Variants in ABI2 observed in about 807,000 individuals in gnomAD.
ABI2 encodes the protein abl interactor 2, also known as abelson interactor 2.
Under a neutral mutation model 59.2 loss-of-function variants are expected in ABI2, and 25 were observed. That is an observed-to-expected ratio of 0.42 (90% CI 0.31 to 0.59). ABI2 has a LOEUF of 0.59. ABI2 is among the 20% of genes least tolerant of loss of function. ABI2 has a pLI of 0.14. For missense variants in ABI2, 545 were observed against 681.8 expected (o/e 0.80, Z 2.23); for synonymous variants, 213 against 235.5 (o/e 0.90, Z 0.87).
intron 1 of ABI2, among the ~76,000 whole-genome samples, chr2:203,335,658 T>C (rs748456382): frequency 3.3e-5 from 5 of 152,228 alleles, no homozygotes; most frequent in Non-Finnish European, 7.3e-5. Context: ...TTCTGTAAAG[T>C]TTTGCAGTAC....
intron 2 of ABI2, among the ~76,000 whole-genome samples, chr2:203,372,753 C>T (rs1374806752): frequency 4.7e-5 from 7 of 149,784 alleles, no homozygotes; most frequent in Admixed American, 1.3e-4. Flanking sequence ...ACTTCTCAGA[C>T]GGGGCGGTTG....
At position 203,417,051 on chromosome 2, in the gene ABI2, C is replaced by A; in HGVS notation, c.1423C>A (p.Pro475Thr). Residue 475 changes from proline to threonine, a missense_variant, in exon 11 of 12, where the codon CCG (proline) becomes ACG (threonine). Physicochemically the swap from Pro to Thr is conservative, Grantham distance 38 (BLOSUM62 -1). Transcript: ENST00000261018. ...YSDPYAEEDP[P>T]WAPRSYLEKV... is the part of the protein sequence containing the mutation. ...TGATCCTTATGCTGAAGAGGACCCA[C>A]CGTGGGCTCCACGTTCTTACTTGGA... is the stretch of plus-strand genomic sequence containing the variant. 6.2e-7 allele frequency: 1 copy of A among 1,612,142 alleles called. No individual in the cohort carries two copies. The highest frequency in any genetic ancestry group is 8.5e-7 in the Non-Finnish European group (1 of 1,179,210).
chr2:203,387,757 A>G (rs992080161), intron 4 of ABI2, among the ~76,000 whole-genome samples: 4 of 152,212 alleles, frequency 2.6e-5, no homozygotes, highest in Non-Finnish European at 5.9e-5. Context: ...TGTAACTTTA[A>G]AAAGTATTTC....
chr2:203,375,852 T>C (rs1377759911), intron 2 of ABI2: 2 of 384,732 alleles, frequency 5.2e-6, no homozygotes, highest in Non-Finnish European at 9.3e-6. Context: ...TGAAATAGAT[T>C]TAGTGCTCTC....
chr2:203,366,851 G>T lies in ABI2; in HGVS notation c.118-26G>T. On this transcript the variant is annotated intron_variant, in intron 1 of 11. Coordinates refer to ENST00000261018, the MANE Select transcript of ABI2 (RefSeq NM_001375670.1). Reference sequence around the variant, plus strand: ...AGAAATGGGTTATTTTTGAATTAATGATCACTGGTTTGTTTTTTTTCCCAG... The same window carrying T: ...AGAAATGGGTTATTTTTGAATTAATTATCACTGGTTTGTTTTTTTTCCCAG... 4.0e-6 allele frequency: 6 copies of T among 1,513,304 alleles called. 1 individual carries two copies. In the South Asian group the frequency reaches 6.7e-5, roughly 17 times the overall value. 93.7% of individuals were successfully genotyped at this position (1,513,304 alleles called of 1,614,324 possible).
chr2:203,426,888 G>GT (rs1025481442), intron 11 of ABI2, among the ~76,000 whole-genome samples: 9 of 151,628 alleles, frequency 5.9e-5, no homozygotes, highest in African/African-American at 2.2e-4. Context: ...CTTCAATGAG[G>GT]TACTTCCCTG....
At chr2:203,382,382 A>T (rs566318652) in intron 4 of ABI2, among the ~76,000 whole-genome samples, 176 bp downstream of exon 4, 1 of 152,256 alleles carries the variant, frequency 6.6e-6, no homozygotes, top group East Asian at 1.9e-4. Context: ...TTGAGGGCAG[A>T]TATTTTTGTC....
At chr2:203,347,286 C>G (rs1175486914) in intron 1 of ABI2, among the ~76,000 whole-genome samples, 1 of 152,170 alleles carries the variant, frequency 6.6e-6, no homozygotes, top group African/African-American at 2.4e-5. Flanking sequence ...GATATCCTGA[C>G]TCCCAGTTTA....
chr2:203,368,425 G>C (rs1016058299), intron 2 of ABI2, among the ~76,000 whole-genome samples: 1 of 151,936 alleles, frequency 6.6e-6, no homozygotes, highest in Non-Finnish European at 1.5e-5. Context: ...TTTTAAATGT[G>C]CATATTATTA....
At chr2:203,366,026 A>G (rs1405380246) in intron 1 of ABI2, among the ~76,000 whole-genome samples, 2 of 151,468 alleles carry the variant, frequency 1.3e-5, no homozygotes, top group African/African-American at 4.9e-5. Flanking sequence ...TTTTTTCCAT[A>G]TTGGTTTTTT....
chr2:203,353,068 G>C (rs1054024232), intron 1 of ABI2, among the ~76,000 whole-genome samples: 10 of 152,318 alleles, frequency 6.6e-5, no homozygotes, highest in East Asian at 1.9e-4. Flanking sequence ...TGTTTGCACA[G>C]TGACAGAATT....
chr2:203,416,219 C>T (rs2044947), intron 10 of ABI2, among the ~76,000 whole-genome samples: 112,302 of 152,112 alleles, frequency 0.74, 42,553 homozygotes, highest in Middle Eastern at 0.87. Flanking sequence ...TGATAACTTA[C>T]CCTTGAATAC....
At position 203,431,724 on chromosome 2, in the gene ABI2, G is replaced by A. The variant is rs925176535; in HGVS notation, c.*4372G>A. On this transcript the variant is annotated 3_prime_UTR_variant, in exon 12 of 12. Transcript: ENST00000261018. ...AAAAAAAAAACAATTAAAACGAAACGGCGGGGCCTAGCTGTGTATAAATGA... is the reference window on the plus strand; with the variant it reads ...AAAAAAAAAACAATTAAAACGAAACAGCGGGGCCTAGCTGTGTATAAATGA... The A allele has an allele frequency of 1.3e-5, 2 of 151,166 alleles. No homozygotes were observed. Among genetic ancestry groups the A allele is most frequent in the Non-Finnish European group, 2.9e-5 (2 of 67,858 alleles). 9.4% of individuals were successfully genotyped at this position (151,166 alleles called of 1,614,324 possible).
chr2:203,359,097 T>C (rs2092930141), intron 1 of ABI2, among the ~76,000 whole-genome samples: 1 of 152,166 alleles, frequency 6.6e-6, no homozygotes, highest in Non-Finnish European at 1.5e-5. Context: ...GGGCCTAAAA[T>C]GGGCAAATGT....
chr2:203,337,004 G>A (rs1045865723), intron 1 of ABI2, among the ~76,000 whole-genome samples: 43 of 152,172 alleles, frequency 2.8e-4, no homozygotes, highest in African/African-American at 9.6e-4. Context: ...TGTCTCAAAG[G>A]CCATATATGA....
chr2:203,371,572 C>T (rs563616775), intron 2 of ABI2, among the ~76,000 whole-genome samples: 1 of 152,208 alleles, frequency 6.6e-6, no homozygotes, highest in East Asian at 1.9e-4. Flanking sequence ...AAAGAAATTT[C>T]ATCTCTAGCT....
chr2:203,352,959 C>G (rs919458690), intron 1 of ABI2, among the ~76,000 whole-genome samples: 4 of 152,220 alleles, frequency 2.6e-5, no homozygotes, highest in African/African-American at 9.6e-5. Context: ...CATATGGTAA[C>G]ATACTGTACA....
chr2:203,430,861 T>G lies in ABI2; in HGVS notation c.*3509T>G, dbSNP rs925108758. The G allele has an allele frequency of 6.6e-6, 1 of 152,190 alleles. No homozygotes were observed. 9.4% of individuals were successfully genotyped at this position (152,190 alleles called of 1,614,324 possible). ...AGTTTATGTTGAAGATAACTAAAGA[T>G]TTTTCTCTTTGGGAGGCATCAAAAT... On this transcript the variant is annotated 3_prime_UTR_variant, in exon 12 of 12. Coordinates refer to ENST00000261018, the MANE Select transcript of ABI2 (RefSeq NM_001375670.1).
intron 1 of ABI2, among the ~76,000 whole-genome samples, chr2:203,344,382 G>A (rs762238965): frequency 1.4e-5 from 2 of 147,790 alleles, no homozygotes; most frequent in Non-Finnish European, 3.0e-5. Context: ...CTTTTTTTTT[G>A]AGACAGGGTC....
Sources: gnomAD v4.1 joint callset for allele counts (sites outside exome capture counted in the v4.1 genomes callset) on GRCh38, gnomAD v4.1.1 for gene constraint, MANE v1.5 for transcripts, NCBI Gene and HGNC (gene_info 2026-07-23, HGNC 2026-07-21) for gene names.